The following SMYD3 variants were observed in gnomAD, a reference collection of about 807,000 sequenced individuals.
SMYD3 encodes the protein SET and MYND domain containing 3, also known as histone-lysine N-methyltransferase SMYD3.
A neutral mutation model predicts 57.7 loss-of-function variants in SMYD3; 36 were observed. The observed-to-expected ratio is 0.62, with a 90% CI of 0.48 to 0.82. The LOEUF is 0.82. Ranked by LOEUF, SMYD3 falls within the 40% of genes least tolerant of loss-of-function variation. The probability of loss-of-function intolerance (pLI) is 0.00; values close to 1 mark genes in which losing one functional copy is unlikely to be tolerated. For missense variants in SMYD3, 515 were observed against 538.8 expected (o/e 0.96, Z 0.44); for synonymous variants, 211 against 195.0 (o/e 1.08, Z -0.68).
chr1:246,235,232 T>C (rs1298705494), intron 5 of SMYD3, among the ~76,000 whole-genome samples: 1 of 152,180 alleles, frequency 6.6e-6, no homozygotes, highest in Non-Finnish European at 1.5e-5. Context: ...AACTGGAAAG[T>C]GTCATAAATC....
chr1:246,367,624 G>A (rs1324463690), intron 1 of SMYD3, among the ~76,000 whole-genome samples: 1 of 152,094 alleles, frequency 6.6e-6, no homozygotes, highest in Admixed American at 6.6e-5. Flanking sequence ...TAGAGATGGG[G>A]TTTCACTGTG....
chr1:246,079,541 G>A (rs572006562), intron 5 of SMYD3, among the ~76,000 whole-genome samples: 22 of 152,088 alleles, frequency 1.4e-4, no homozygotes, highest in Non-Finnish European at 2.8e-4. Flanking sequence ...AGTAAAACTC[G>A]TGTAAGTTTC....
intron 5 of SMYD3, among the ~76,000 whole-genome samples, chr1:245,936,437 T>A (rs1283156877): frequency 6.6e-6 from 1 of 152,136 alleles, no homozygotes; most frequent in Non-Finnish European, 1.5e-5. Context: ...TGCACTTTGC[T>A]ACCTAAAACC....
At chr1:246,333,857 G>T (rs940676130) in intron 3 of SMYD3, among the ~76,000 whole-genome samples, 4 of 152,102 alleles carry the variant, frequency 2.6e-5, no homozygotes, top group Non-Finnish European at 4.4e-5. Flanking sequence ...CTGCACTCCA[G>T]CCTGGGGCAA....
intron 8 of SMYD3, among the ~76,000 whole-genome samples, chr1:245,915,214 C>A (rs145929416): frequency 3.0e-4 from 46 of 152,208 alleles, no homozygotes; most frequent in African/African-American, 9.9e-4. Flanking sequence ...GTAATTCAAC[C>A]CACTTACTAC....
intron 1 of SMYD3, among the ~76,000 whole-genome samples, chr1:246,456,693 G>A (rs1572516383): frequency 1.3e-5 from 2 of 152,138 alleles, no homozygotes; most frequent in Non-Finnish European, 2.9e-5. Flanking sequence ...TTTAATATGC[G>A]AAGAACCCAC....
Position 245,749,631 on chromosome 1 carries a change from C to T in SMYD3, c.1219G>A (p.Glu407Lys). ...FDIMRVTHGR[E>K]HSLIEDLILL... ...ATCAAATCTTCAATCAGGCTGTGTTCTCTGCCATGTGTCACTCTCATAATA... is the reference window on the plus strand; with the variant it reads ...ATCAAATCTTCAATCAGGCTGTGTTTTCTGCCATGTGTCACTCTCATAATA... The change falls in exon 12 of 12, where the codon GAA becomes AAA. Residue 407 changes from glutamate to lysine, a missense_variant. Glu to Lys is a moderately conservative substitution (Grantham distance 56). Transcript: ENST00000490107. The T allele has an allele frequency of 6.2e-7, 1 of 1,614,170 alleles. No individual in the cohort carries two copies. The highest frequency in any genetic ancestry group is 8.5e-7 in the Non-Finnish European group (1 of 1,180,010).
intron 5 of SMYD3, among the ~76,000 whole-genome samples, chr1:246,274,326 G>C (rs1391834567): frequency 1.3e-5 from 2 of 151,954 alleles, no homozygotes; most frequent in African/African-American, 4.8e-5. Context: ...TCTTCCTTTG[G>C]TTTTATTGTT....
chr1:246,233,868 G>A (rs529692678), intron 5 of SMYD3, among the ~76,000 whole-genome samples: 2 of 129,512 alleles, frequency 1.5e-5, no homozygotes, highest in African/African-American at 5.9e-5. Flanking sequence ...CCACACAGAG[G>A]AGAAGCACTC....
chr1:246,152,919 C>A (rs2061964827), intron 5 of SMYD3, among the ~76,000 whole-genome samples: 1 of 152,182 alleles, frequency 6.6e-6, no homozygotes, highest in Admixed American at 6.5e-5. Flanking sequence ...AGTAAGCACT[C>A]AATAAATGTT....
At chr1:246,301,288 T>C (rs963798003) in intron 5 of SMYD3, among the ~76,000 whole-genome samples, 4 of 152,162 alleles carry the variant, frequency 2.6e-5, no homozygotes, top group African/African-American at 4.8e-5. Flanking sequence ...CAAACATTTA[T>C]TAAGCAATTC....
chr1:245,881,822 T>G (rs1189658181), intron 8 of SMYD3, among the ~76,000 whole-genome samples: 1 of 152,086 alleles, frequency 6.6e-6, no homozygotes. Flanking sequence ...AGCTGAAGAA[T>G]GATGATGAGC....
intron 1 of SMYD3, among the ~76,000 whole-genome samples, chr1:246,409,272 T>A (rs1179790598): frequency 2.0e-5 from 3 of 152,238 alleles, no homozygotes; most frequent in Non-Finnish European, 4.4e-5. Flanking sequence ...CTGAATGGTA[T>A]TGCCTAGGTT....
rs973903305 is a variant in SMYD3, at chr1:246,202,344, A to G, written c.531+124857T>C. Among the ~76,000 whole-genome samples the G allele has an allele frequency of 6.6e-6, 1 of 152,036 alleles. No homozygotes were observed. The highest frequency in any genetic ancestry group is 2.4e-5 in the African/African-American group (1 of 41,388). On this transcript the variant is annotated intron_variant, in intron 5 of 11. Coordinates refer to ENST00000490107, the MANE Select transcript of SMYD3 (RefSeq NM_001167740.2). The surrounding 1 kb of genome is among the most constrained non-coding windows in gnomAD (Gnocchi z 4.1). ...CTCATTTCTACATGACCACCTTTAC[A>G]TTTTTCATATCTGACCGCCCTATCA...
chr1:246,273,600 T>A (rs1222903988), intron 5 of SMYD3, among the ~76,000 whole-genome samples: 7 of 146,402 alleles, frequency 4.8e-5, no homozygotes, highest in East Asian at 2.0e-4. Flanking sequence ...TTTTTTTTTT[T>A]AAAGACAGAG....
chr1:245,808,208 G>A (rs1021047639), intron 10 of SMYD3, among the ~76,000 whole-genome samples: 2 of 152,072 alleles, frequency 1.3e-5, no homozygotes, highest in Admixed American at 6.5e-5. Context: ...CCTTGGCTGG[G>A]GTGTTTCTTT....
intron 5 of SMYD3, among the ~76,000 whole-genome samples, chr1:246,050,830 T>C (rs2060054348): frequency 6.6e-6 from 1 of 152,160 alleles, no homozygotes; most frequent in Non-Finnish European, 1.5e-5. Context: ...GCAAAACCAA[T>C]GTTCCACCTA....
intron 5 of SMYD3, among the ~76,000 whole-genome samples, chr1:246,029,870 G>A (rs947336481): frequency 6.6e-6 from 1 of 151,822 alleles, no homozygotes; most frequent in African/African-American, 2.4e-5. Context: ...CAGAGAAAAG[G>A]GAACTCACAC....
At chr1:246,322,969 C>T (rs140801032) in intron 5 of SMYD3, among the ~76,000 whole-genome samples, 1 of 152,204 alleles carries the variant, frequency 6.6e-6, no homozygotes, top group Non-Finnish European at 1.5e-5. Flanking sequence ...AAACCTTCTC[C>T]GGAGGAGGTT....
Sources: allele counts gnomAD v4.1 joint callset (sites outside exome capture counted in the v4.1 genomes callset), GRCh38; gene constraint gnomAD v4.1.1; non-coding constraint Gnocchi (gnomAD v3.1); transcripts MANE v1.5; gene names NCBI Gene and HGNC (gene_info 2026-07-23, HGNC 2026-07-21).